Variants in NOL4L observed in about 807,000 individuals in gnomAD.
NOL4L encodes the protein nucleolar protein 4 like.
A neutral mutation model predicts 64.5 loss-of-function variants in NOL4L; 7 were observed. The ratio of observed to expected loss-of-function variants is 0.11; its 90% CI spans 0.06 to 0.20. The LOEUF is 0.20. Ranked by LOEUF, NOL4L falls within the 10% of genes least tolerant of loss-of-function variation. NOL4L has a pLI of 1.00. For missense variants in NOL4L, 680 were observed against 967.1 expected (o/e 0.70, Z 3.94); for synonymous variants, 413 against 401.0 (o/e 1.03, Z -0.36).
At chr20:32,518,927 G>C (rs1457511701) in intron 3 of NOL4L, among the ~76,000 whole-genome samples, 1 of 152,226 alleles carries the variant, frequency 6.6e-6, no homozygotes, top group Non-Finnish European at 1.5e-5. Flanking sequence ...ATGCATCGAG[G>C]GAGTGTCCAG....
intron 4 of NOL4L, among the ~76,000 whole-genome samples, chr20:32,495,205 T>C (rs1414397354): frequency 2.6e-5 from 4 of 152,154 alleles, no homozygotes; most frequent in African/African-American, 9.7e-5. Flanking sequence ...GCCACAGGAG[T>C]ATCCCAGTTA....
At chr20:32,538,708 C>A (rs2018600069) in intron 1 of NOL4L, among the ~76,000 whole-genome samples, 1 of 152,190 alleles carries the variant, frequency 6.6e-6, no homozygotes, top group Non-Finnish European at 1.5e-5. Flanking sequence ...CCGCTCTCCC[C>A]ATCTCTCAGT....
intron 3 of NOL4L, among the ~76,000 whole-genome samples, chr20:32,514,733 C>G (rs1302234999): frequency 6.6e-6 from 1 of 152,080 alleles, no homozygotes; most frequent in African/African-American, 2.4e-5. Flanking sequence ...TGCCACATGT[C>G]AGGCAGGCAG....
rs367625686 is a variant in NOL4L at position 32,508,886 on chromosome 20, C to T, written c.699+2461G>A. On this transcript the variant is annotated intron_variant, in intron 4 of 10. Transcript: ENST00000621426. Reference sequence around the variant, plus strand: ...ACACTGTGCTTTCCCCCTTTTGCTTCGGCAACAGAACTCCTCACATTCTCT... The same window carrying T: ...ACACTGTGCTTTCCCCCTTTTGCTTTGGCAACAGAACTCCTCACATTCTCT... 6.6e-5 allele frequency among the ~76,000 whole-genome samples: 10 copies of T among 152,320 alleles called. No homozygotes were observed. In the East Asian group the frequency reaches 9.7e-4, roughly 15 times the overall value.
chr20:32,541,033 A>ACG, intron 1 of NOL4L, among the ~76,000 whole-genome samples: 1 of 151,292 alleles, frequency 6.6e-6, no homozygotes, highest in East Asian at 2.0e-4. Context: ...ACACACACAC[A>ACG]CACACACACA....
intron 5 of NOL4L, among the ~76,000 whole-genome samples, chr20:32,470,126 C>T (rs867866528): frequency 1.1e-4 from 16 of 152,258 alleles, no homozygotes; most frequent in African/African-American, 3.6e-4. Flanking sequence ...CGAGCAGACC[C>T]CTGCTCTCCC....
intron 4 of NOL4L, among the ~76,000 whole-genome samples, chr20:32,478,126 G>C (rs764880465): frequency 6.6e-6 from 1 of 152,072 alleles, no homozygotes; most frequent in Non-Finnish European, 1.5e-5. Flanking sequence ...CACTGTCACC[G>C]CACCATGGGC....
At chr20:32,465,220 A>G in intron 5 of NOL4L, 1 of 445,232 alleles carries the variant, frequency 2.2e-6, no homozygotes. Flanking sequence ...TGATTTGCAC[A>G]ACCACCCTCT....
At chr20:32,510,442 A>G in intron 4 of NOL4L, 1 of 176,108 alleles carries the variant, frequency 5.7e-6, no homozygotes, top group South Asian at 1.3e-4. Context: ...AGGAGCCACC[A>G]CCCCCTCGGA....
chr20:32,471,866 C>G (rs2016613), intron 5 of NOL4L, among the ~76,000 whole-genome samples: 2,273 of 152,302 alleles, frequency 0.015, 14 homozygotes, highest in Middle Eastern at 0.02. Flanking sequence ...CCCCCTTCAC[C>G]TTCTGCCATG....
intron 2 of NOL4L, among the ~76,000 whole-genome samples, chr20:32,523,624 T>G (rs2018022270): frequency 6.6e-6 from 1 of 152,186 alleles, no homozygotes; most frequent in South Asian, 2.1e-4. Context: ...AGAAATAGAC[T>G]CATACACTGA....
chr20:32,505,112 T>C (rs1457785845), intron 4 of NOL4L, among the ~76,000 whole-genome samples: 1 of 152,240 alleles, frequency 6.6e-6, no homozygotes, highest in Non-Finnish European at 1.5e-5. Flanking sequence ...TCTAAGTCAG[T>C]ACTCTTGGGT....
rs539567591 is a variant in NOL4L, at chr20:32,458,934, G to C, written c.842-2539C>G. ...AGACACGCTGCTCAGGGTGCTCCTG[G>C]AGCCTCTACCAGGTCAGATGCCCGG... On this transcript the variant is annotated intron_variant, in intron 5 of 10. Coordinates refer to ENST00000621426, the MANE Select transcript of NOL4L (RefSeq NM_001256798.2). 3.9e-5 allele frequency among the ~76,000 whole-genome samples: 6 copies of C among 152,342 alleles called. No individual in the cohort carries two copies. The South Asian group carries it at 1.2e-3, about 32-fold the overall frequency.
In NOL4L at chr20:32,463,831, G is replaced by A. The variant is rs952988748; in HGVS notation, c.842-7436C>T. 4.6e-5 allele frequency among the ~76,000 whole-genome samples: 7 copies of A among 152,140 alleles called. No individual in the cohort carries two copies. Among genetic ancestry groups the A allele is most frequent in the Admixed American group, 2.6e-4 (4 of 15,278 alleles). ...ACAGCCAGTGGCACCCTCTCCCGGT[G>A]GGCGACTCCCACCAGCTCCCAGGCT... On this transcript the variant is annotated intron_variant, in intron 5 of 10. Coordinates refer to ENST00000621426, the MANE Select transcript of NOL4L (RefSeq NM_001256798.2). This position sits in a 1 kb window ranked among gnomAD's most constrained non-coding sequence, Gnocchi z 5.8.
At chr20:32,461,588 A>T (rs1459559348) in intron 5 of NOL4L, among the ~76,000 whole-genome samples, 2 of 150,056 alleles carry the variant, frequency 1.3e-5, no homozygotes, top group Non-Finnish European at 3.0e-5. Context: ...ACGCCTGGCT[A>T]ATTTTTTATG....
At chr20:32,525,893 G>A (rs2018114839) in intron 2 of NOL4L, among the ~76,000 whole-genome samples, 1 of 152,182 alleles carries the variant, frequency 6.6e-6, no homozygotes, top group African/African-American at 2.4e-5. Flanking sequence ...AAGTAGCTGG[G>A]ATTATAGGCA....
In NOL4L at chr20:32,452,278, G is replaced by A; in HGVS notation, c.1780C>T (p.Leu594=). 1 of 1,594,998 alleles carries A rather than the reference G, an allele frequency of 6.3e-7. No individual in the cohort carries two copies. Among genetic ancestry groups the A allele is most frequent in the Non-Finnish European group, 8.6e-7 (1 of 1,168,878 alleles). The part of the protein sequence containing the change: ...YRGYGALSSN[L]QPPASLQTGN... ...GTTTGGAGGGAGGCAGGGGGCTGCA[G>A]GTTGCTGCTCAAGGCCCCGTACCCG... Residue 594 remains leucine, a synonymous_variant, in exon 10 of 11, where the codon CTG becomes TTG. Transcript: ENST00000621426.
intron 6 of NOL4L, 75 bp downstream of exon 6, chr20:32,456,043 G>A (rs2013467917): frequency 2.8e-6 from 4 of 1,413,558 alleles, no homozygotes; most frequent in Non-Finnish European, 3.7e-6. Context: ...TAAGCTCTGG[G>A]CGTATACAAT....
At chr20:32,560,384 G>C (rs986429327) in intron 1 of NOL4L, among the ~76,000 whole-genome samples, 1 of 152,200 alleles carries the variant, frequency 6.6e-6, no homozygotes, top group African/African-American at 2.4e-5. Flanking sequence ...GGCTCAGAGA[G>C]GCCGAGCCAC....
Sources: allele counts gnomAD v4.1 joint callset (sites outside exome capture counted in the v4.1 genomes callset), GRCh38; gene constraint gnomAD v4.1.1; non-coding constraint Gnocchi (gnomAD v3.1); transcripts MANE v1.5; gene names NCBI Gene and HGNC (gene_info 2026-07-23, HGNC 2026-07-21).